The following UBE2F variants were observed in gnomAD, a reference collection of about 807,000 sequenced individuals.
UBE2F encodes the protein NEDD8-conjugating enzyme UBE2F.
Under a neutral mutation model 29.6 loss-of-function variants are expected in UBE2F, and 5 were observed. The observed-to-expected ratio is 0.17, with a 90% CI of 0.09 to 0.36. The LOEUF (loss-of-function observed/expected upper bound fraction) is 0.36, where lower values mean the gene tolerates loss of function less well. Among genes scored for constraint, UBE2F ranks in the 10% least tolerant of loss-of-function variants. The probability of loss-of-function intolerance (pLI) is 1.00; values close to 1 mark genes in which losing one functional copy is unlikely to be tolerated. For missense variants in UBE2F, 141 were observed against 228.5 expected, an observed-to-expected ratio of 0.62 and a Z score of 2.47; for synonymous variants, 66 against 81.8, an observed-to-expected ratio of 0.81 and a Z score of 1.04.
At chr2:237,996,884 GC>G (rs1403838430) in intron 4 of UBE2F, among the ~76,000 whole-genome samples, 1 of 152,132 alleles carries the variant, frequency 6.6e-6, no homozygotes, top group Non-Finnish European at 1.5e-5. Flanking sequence ...TGAAAATGGA[GC>G]ATAATTGTTA....
intron 8 of UBE2F, among the ~76,000 whole-genome samples, chr2:238,033,429 A>G (rs901905418): frequency 6.6e-6 from 1 of 152,192 alleles, no homozygotes; most frequent in Non-Finnish European, 1.5e-5. Flanking sequence ...GATAAAACCT[A>G]AGGTGCCTCT....
intron 4 of UBE2F, among the ~76,000 whole-genome samples, chr2:238,010,116 AT>A (rs1047224366): frequency 4.6e-5 from 7 of 151,422 alleles, no homozygotes; most frequent in African/African-American, 1.5e-4. Flanking sequence ...TTTATTTGTC[AT>A]TTTTTTATAC....
intron 5 of UBE2F, among the ~76,000 whole-genome samples, chr2:238,019,378 C>T (rs2064238085): frequency 1.3e-5 from 2 of 151,968 alleles, no homozygotes; most frequent in Admixed American, 6.6e-5. Context: ...TCCTTCCTGT[C>T]CCCCCTGCCT....
At chr2:238,019,493 A>C (rs2064240953) in intron 5 of UBE2F, among the ~76,000 whole-genome samples, 1 of 151,822 alleles carries the variant, frequency 6.6e-6, no homozygotes, top group Non-Finnish European at 1.5e-5. Flanking sequence ...CAACCTCCTG[A>C]GGAGCTGGGA....
intron 4 of UBE2F, among the ~76,000 whole-genome samples, chr2:237,998,026 A>C (rs977232142): frequency 1.3e-5 from 2 of 152,202 alleles, no homozygotes; most frequent in African/African-American, 4.8e-5. Flanking sequence ...CCTGGCTGAC[A>C]TGTTGATGAA....
intron 6 of UBE2F, among the ~76,000 whole-genome samples, chr2:238,028,150 G>A (rs2064478276): frequency 6.6e-6 from 1 of 152,230 alleles, no homozygotes; most frequent in Non-Finnish European, 1.5e-5. Flanking sequence ...CTCAGTGACT[G>A]GAGGCACTGC....
chr2:238,012,044 A>AT (rs34003831), intron 4 of UBE2F, among the ~76,000 whole-genome samples: 98,193 of 131,480 alleles, frequency 0.75, 37,005 homozygotes, highest in East Asian at 0.92. Flanking sequence ...ACACCTGGCA[A>AT]TTTTTTTTTT....
At chr2:237,991,612 T>TC (rs1559207779) in intron 3 of UBE2F, among the ~76,000 whole-genome samples, 12 of 106,410 alleles carry the variant, frequency 1.1e-4, no homozygotes, top group South Asian at 3.1e-4. Context: ...TTTCTTTCTT[T>TC]TTTTTTTTTT....
chr2:238,033,159 A>T (rs4143809), intron 8 of UBE2F, among the ~76,000 whole-genome samples: 1 of 152,090 alleles, frequency 6.6e-6, no homozygotes, highest in African/African-American at 2.4e-5. Flanking sequence ...AGGGCTTTTC[A>T]TGAGTCCAGA....
At chr2:238,018,063 A>T (rs1177955535) in intron 5 of UBE2F, among the ~76,000 whole-genome samples, 1 of 152,224 alleles carries the variant, frequency 6.6e-6, no homozygotes, top group East Asian at 1.9e-4. Context: ...TTGTAGACAA[A>T]GATGGGAAAA....
At chr2:238,034,886 A>AT (rs573191865) in intron 8 of UBE2F, among the ~76,000 whole-genome samples, 114 of 150,906 alleles carry the variant, frequency 7.6e-4, no homozygotes, top group African/African-American at 2.6e-3. Context: ...AGGCCCCCTG[A>AT]TTTTTTCTTT....
intron 6 of UBE2F, chr2:238,029,134 C>T (rs188524437): frequency 6.9e-4 from 105 of 152,278 alleles, no homozygotes; most frequent in African/African-American, 2.4e-3. Flanking sequence ...CCAGGACTCT[C>T]AGGTACCAGC....
At chr2:238,033,458 C>G (rs1012030965) in intron 8 of UBE2F, among the ~76,000 whole-genome samples, 1 of 152,122 alleles carries the variant, frequency 6.6e-6, no homozygotes, top group Non-Finnish European at 1.5e-5. Context: ...GGATGGTCCA[C>G]CCAGGCCAGT....
At chr2:237,971,415 C>T (rs1322968015) in intron 1 of UBE2F, among the ~76,000 whole-genome samples, 7 of 152,134 alleles carry the variant, frequency 4.6e-5, no homozygotes, top group African/African-American at 1.4e-4. Context: ...CTCTGCCTCC[C>T]GGCTTCAAGT....
In UBE2F at chr2:237,967,316, G is replaced by GGGGCCGC. The variant is rs550434287; in HGVS notation, c.-17+200_-17+206dup. ...CGAGGCCGAGCGGCGTGAATGGGAA[G>GGGGCCGC]GGGCCGCGGGCCGCGGGCCGCGAGC... On this transcript the variant is annotated intron_variant, in intron 1 of 9. Coordinates refer to ENST00000272930, the MANE Select transcript of UBE2F (RefSeq NM_080678.3). This position sits in a 1 kb window ranked among gnomAD's most constrained non-coding sequence, Gnocchi z 6.3. Among the ~76,000 whole-genome samples the GGGGCCGC allele has an allele frequency of 1.8e-3, 269 of 145,644 alleles. 1 individual carries two copies. Among genetic ancestry groups the GGGGCCGC allele is most frequent in the East Asian group, 0.014 (73 of 5,098 alleles).
intron 4 of UBE2F, among the ~76,000 whole-genome samples, chr2:238,001,613 C>T (rs1027268277): frequency 3.3e-5 from 5 of 151,886 alleles, no homozygotes; most frequent in South Asian, 2.1e-4. Flanking sequence ...GTCAGGAGAT[C>T]GAGACCATCC....
At chr2:238,020,990 G>A (rs993176771) in intron 5 of UBE2F, among the ~76,000 whole-genome samples, 1 of 152,244 alleles carries the variant, frequency 6.6e-6, no homozygotes, top group Admixed American at 6.5e-5. Context: ...ACGTGACATG[G>A]CCTGGGGATG....
chr2:238,031,373 G>A (rs867778771), intron 7 of UBE2F, among the ~76,000 whole-genome samples: 2 of 152,164 alleles, frequency 1.3e-5, no homozygotes, highest in Non-Finnish European at 2.9e-5. Flanking sequence ...TGGGGAACAC[G>A]TCTCATGAAC....
chr2:238,012,754 G>T (rs932060868), intron 4 of UBE2F, among the ~76,000 whole-genome samples: 4 of 152,154 alleles, frequency 2.6e-5, no homozygotes, highest in Non-Finnish European at 4.4e-5. Flanking sequence ...TAGGTGAGAC[G>T]TGGAACTGGT....
Sources: gnomAD v4.1 joint callset for allele counts (sites outside exome capture counted in the v4.1 genomes callset) on GRCh38, gnomAD v4.1.1 for gene constraint, Gnocchi (gnomAD v3.1) non-coding constraint, MANE v1.5 for transcripts, NCBI Gene and HGNC (gene_info 2026-07-23, HGNC 2026-07-21) for gene names.